KAT14: variants seen among roughly 807,000 people sequenced by gnomAD.
The protein encoded by KAT14 is cysteine-rich protein 2-binding protein.
Under a neutral mutation model 78.4 loss-of-function variants are expected in KAT14, and 66 were observed. The observed-to-expected ratio is 0.84, with a 90% CI of 0.69 to 1.03. KAT14 has a LOEUF of 1.03. Among genes scored for constraint, KAT14 ranks in the 50% least tolerant of loss-of-function variants. The pLI, the probability that KAT14 is intolerant of heterozygous loss-of-function variation, is 0.00. For synonymous variants in KAT14, 344 were observed against 359.4 expected (o/e 0.96, Z 0.48); for missense variants, 870 against 972.5 (o/e 0.89, Z 1.40).
chr20:18,177,440 G>A (rs1464837676), intron 7 of KAT14, among the ~76,000 whole-genome samples: 2 of 152,232 alleles, frequency 1.3e-5, no homozygotes, highest in Non-Finnish European at 2.9e-5. Flanking sequence ...CAGCTTCAGT[G>A]GGTGGGGAAA....
At chr20:18,161,615 A>G (rs1568668076) in intron 5 of KAT14, among the ~76,000 whole-genome samples, 1 of 152,196 alleles carries the variant, frequency 6.6e-6, no homozygotes, top group Non-Finnish European at 1.5e-5. Flanking sequence ...ACACTCCAAA[A>G]TCTGAAACTT....
At chr20:18,177,352 T>C (rs2039085334) in intron 7 of KAT14, among the ~76,000 whole-genome samples, 1 of 152,194 alleles carries the variant, frequency 6.6e-6, no homozygotes, top group African/African-American at 2.4e-5. Flanking sequence ...ACCAGTTGTC[T>C]TAAGACCTAG....
chr20:18,167,550 C>T (rs2038684145), intron 7 of KAT14, among the ~76,000 whole-genome samples: 1 of 152,130 alleles, frequency 6.6e-6, no homozygotes, highest in Non-Finnish European at 1.5e-5. Context: ...ATAAGTTTCT[C>T]AATAAGTGCT....
intron 7 of KAT14, among the ~76,000 whole-genome samples, chr20:18,178,039 C>T (rs368201421): frequency 2.3e-4 from 35 of 151,060 alleles, no homozygotes; most frequent in African/African-American, 7.8e-4. Flanking sequence ...ACCTGGGAGG[C>T]AGAGGTTGTA....
chr20:18,142,777 C>T lies in KAT14; in HGVS notation c.117C>T (p.Ile39=), dbSNP rs746112160. 29 of 1,614,142 alleles carry T rather than the reference C, an allele frequency of 1.8e-5. No homozygotes were observed. The highest frequency in any genetic ancestry group is 2.4e-5 in the Non-Finnish European group (28 of 1,180,032). ...AAGTGGAGGGAGAGACGCTCCTGAT[C>T]GTCGAATCCGAGGATCAGGCATCAG... ...EGEVEGETLL[I]VESEDQASVD... Residue 39 remains isoleucine (I), a synonymous_variant, in exon 2 of 11, where the codon ATC becomes ATT. Coordinates refer to ENST00000688188, the MANE Select transcript of KAT14 (RefSeq NM_001392073.1).
chr20:18,175,755 A>T (rs2039015203), intron 7 of KAT14, among the ~76,000 whole-genome samples: 1 of 152,126 alleles, frequency 6.6e-6, no homozygotes, highest in African/African-American at 2.4e-5. Context: ...AACATGGCTC[A>T]AACCTGTAAT....
At chr20:18,137,708 G>C (rs192263372), upstream of KAT14, among the ~76,000 whole-genome samples, 2 of 152,204 alleles carry the variant, frequency 1.3e-5, no homozygotes, top group Admixed American at 1.3e-4. Flanking sequence ...ATCGGGGGTG[G>C]TCTAACGCTG....
intron 7 of KAT14, among the ~76,000 whole-genome samples, chr20:18,165,157 TAC>T (rs1421600843): frequency 2.6e-5 from 4 of 152,220 alleles, no homozygotes; most frequent in African/African-American, 9.6e-5. Flanking sequence ...CACTTTGACT[TAC>T]AGTGTTAATT....
At chr20:18,152,597 A>C (rs960175055) in intron 4 of KAT14, among the ~76,000 whole-genome samples, 22 of 152,128 alleles carry the variant, frequency 1.4e-4, no homozygotes, top group African/African-American at 5.3e-4. Flanking sequence ...ACAACCAACC[A>C]AAAAAAGAAC....
At chr20:18,172,927 C>A (rs2146484017) in intron 7 of KAT14, among the ~76,000 whole-genome samples, 1 of 152,222 alleles carries the variant, frequency 6.6e-6, no homozygotes, top group South Asian at 2.1e-4. Flanking sequence ...TTTTTTGAGC[C>A]TGTGCTCTGG....
Position 18,142,432 on chromosome 20 carries a change from AT to A in KAT14, c.-228del. 7.0e-7 allele frequency: 1 copy of A among 1,430,028 alleles called. No homozygotes were observed. Among genetic ancestry groups the A allele is most frequent in the Non-Finnish European group, 9.1e-7 (1 of 1,100,562 alleles). 88.6% of individuals were successfully genotyped at this position (1,430,028 alleles called of 1,614,324 possible). Reference sequence around the variant, plus strand: ...TGTTGATGGAGAGTAGCTTAGTAGTATCTTCATCTTTTTTTTTGGTCACTGT... The same window carrying A: ...TGTTGATGGAGAGTAGCTTAGTAGTACTTCATCTTTTTTTTTGGTCACTGT... On this transcript the variant is annotated 5_prime_UTR_variant, in exon 2 of 11. An upstream open reading frame in the 5' UTR gains an earlier in-frame stop. Coordinates refer to ENST00000688188, the MANE Select transcript of KAT14 (RefSeq NM_001392073.1).
intron 1 of KAT14, among the ~76,000 whole-genome samples, chr20:18,141,048 TTTTTA>T (rs1568661562): frequency 9.4e-5 from 3 of 32,084 alleles, no homozygotes; most frequent in African/African-American, 3.0e-4. Context: ...TTTTTTTTTA[TTTTTA>T]TTTTTGCTAG....
chr20:18,161,483 T>C (rs1158331395), intron 5 of KAT14, among the ~76,000 whole-genome samples: 5 of 152,156 alleles, frequency 3.3e-5, no homozygotes, highest in African/African-American at 1.2e-4. Flanking sequence ...ATTGAACATT[T>C]CTCTTTATTG....
At position 18,162,832 on chromosome 20, in the gene KAT14, T is replaced by C; in HGVS notation, c.1555T>C (p.Leu519=). The C allele has an allele frequency of 6.2e-7, 1 of 1,614,150 alleles. No individual in the cohort carries two copies. Among genetic ancestry groups the C allele is most frequent in the Non-Finnish European group, 8.5e-7 (1 of 1,180,010 alleles). The stretch of plus-strand genomic sequence containing the variant: ...GGATCAAGTTGTTAATGCTGCTCTT[T>C]TGTTAGTTGACGGGATTTATGGAGC... ...DLDQVVNAAL[L]LVDGIYGAKE... is the part of the protein sequence containing the mutation. Residue 519 remains leucine, a synonymous_variant, in exon 7 of 11, where the codon TTG becomes CTG. Coordinates refer to ENST00000688188, the MANE Select transcript of KAT14 (RefSeq NM_001392073.1).
chr20:18,164,259 T>C (rs2038552195), intron 7 of KAT14, among the ~76,000 whole-genome samples: 1 of 152,148 alleles, frequency 6.6e-6, no homozygotes, highest in Non-Finnish European at 1.5e-5. Context: ...GTAAACTGAC[T>C]CTCCCTGTCT....
At chr20:18,154,618 C>T (rs6111862) in intron 4 of KAT14, among the ~76,000 whole-genome samples, 11 of 85,338 alleles carry the variant, frequency 1.3e-4, no homozygotes, top group African/African-American at 2.3e-4. Context: ...TCCTATCTGC[C>T]ACCTTCCCAG....
chr20:18,145,163 A>C, intron 2 of KAT14, 70 bp from the exon 3 acceptor site: 1 of 1,537,750 alleles, frequency 6.5e-7, no homozygotes, highest in Admixed American at 2.1e-5. Context: ...CTGGGTGATA[A>C]ACGGATTAAA....
intron 5 of KAT14, among the ~76,000 whole-genome samples, chr20:18,159,476 A>C (rs573116892): frequency 6.6e-6 from 1 of 152,394 alleles, no homozygotes; most frequent in South Asian, 2.1e-4. Flanking sequence ...TATCAGTTTT[A>C]TAAATTTCCC....
intron 5 of KAT14, among the ~76,000 whole-genome samples, chr20:18,159,583 A>G (rs1196876177): frequency 6.6e-6 from 1 of 152,246 alleles, no homozygotes; most frequent in East Asian, 1.9e-4. Flanking sequence ...AATAAATAAC[A>G]TGATGAATTC....
Sources: gnomAD v4.1 joint callset for allele counts (sites outside exome capture counted in the v4.1 genomes callset) on GRCh38, gnomAD v4.1.1 for gene constraint, MANE v1.5 for transcripts, NCBI Gene and HGNC (gene_info 2026-07-23, HGNC 2026-07-21) for gene names.